Variants in CHCHD6 observed in about 807,000 individuals in gnomAD.
CHCHD6 encodes the protein coiled-coil-helix-coiled-coil-helix domain containing 6, also known as MICOS complex subunit MIC25.
In CHCHD6, 28 loss-of-function variants were observed where a neutral mutation model predicts 32.3. The observed-to-expected ratio is 0.87, with a 90% CI of 0.64 to 1.19. The LOEUF (loss-of-function observed/expected upper bound fraction) is 1.19. CHCHD6 is among the 50% of genes most tolerant of loss of function. The pLI, the probability that CHCHD6 is intolerant of heterozygous loss-of-function variation, is 0.00. For synonymous variants in CHCHD6, 122 were observed against 117.5 expected, an observed-to-expected ratio of 1.04 and a Z score of -0.25; for missense variants, 333 against 307.0, an observed-to-expected ratio of 1.08 and a Z score of -0.63.
intron 6 of CHCHD6, among the ~76,000 whole-genome samples, chr3:126,932,750 A>T (rs1370576442): frequency 6.6e-6 from 1 of 152,234 alleles, no homozygotes; most frequent in Non-Finnish European, 1.5e-5. Context: ...ACATGTGCCC[A>T]GTGACCAGAT....
At chr3:126,828,460 G>A (rs778562217) in intron 4 of CHCHD6, among the ~76,000 whole-genome samples, 4 of 152,232 alleles carry the variant, frequency 2.6e-5, no homozygotes, top group Non-Finnish European at 5.9e-5. Flanking sequence ...AAGGGAGTGT[G>A]TGAGGGAACA....
At chr3:126,881,707 C>T (rs796599161) in intron 5 of CHCHD6, among the ~76,000 whole-genome samples, 7 of 152,242 alleles carry the variant, frequency 4.6e-5, no homozygotes, top group African/African-American at 1.7e-4. Flanking sequence ...GTGGATGGGG[C>T]ACCGCTGTGT....
chr3:126,954,769 A>C (rs2078760582), intron 6 of CHCHD6, among the ~76,000 whole-genome samples: 1 of 152,218 alleles, frequency 6.6e-6, no homozygotes, highest in African/African-American at 2.4e-5. Flanking sequence ...CTGGGGTCTC[A>C]GACTCTAGAG....
intron 4 of CHCHD6, among the ~76,000 whole-genome samples, chr3:126,787,865 G>C (rs1204676567): frequency 6.6e-6 from 1 of 152,140 alleles, no homozygotes; most frequent in Non-Finnish European, 1.5e-5. Context: ...ACACTATGTT[G>C]AATAGGAGTG....
At chr3:126,789,345 G>C (rs1473696545) in intron 4 of CHCHD6, among the ~76,000 whole-genome samples, 1 of 152,088 alleles carries the variant, frequency 6.6e-6, no homozygotes, top group African/African-American at 2.4e-5. Context: ...GGTCCACTTG[G>C]TGCAGAGCTG....
chr3:126,919,288 T>C (rs1576602300), intron 6 of CHCHD6, among the ~76,000 whole-genome samples: 1 of 149,924 alleles, frequency 6.7e-6, no homozygotes, highest in East Asian at 2.0e-4. Flanking sequence ...TTCCTTCTAA[T>C]TTTTTTTCTA....
At chr3:126,829,837 C>T (rs1940561589) in intron 4 of CHCHD6, among the ~76,000 whole-genome samples, 1 of 152,122 alleles carries the variant, frequency 6.6e-6, no homozygotes, top group Non-Finnish European at 1.5e-5. Flanking sequence ...GTGGCTCACA[C>T]CTATAATCCC....
intron 4 of CHCHD6, among the ~76,000 whole-genome samples, chr3:126,739,270 A>G (rs1348265473): frequency 6.6e-6 from 1 of 152,246 alleles, no homozygotes; most frequent in Non-Finnish European, 1.5e-5. Flanking sequence ...AGAGGTTGAC[A>G]AACATTTTCT....
At chr3:126,705,444 A>G (rs1160810553) in intron 1 of CHCHD6, among the ~76,000 whole-genome samples, 1 of 152,250 alleles carries the variant, frequency 6.6e-6, no homozygotes, top group African/African-American at 2.4e-5. Flanking sequence ...AATTTTCAAC[A>G]GCCCTATTTA....
At chr3:126,949,780 G>A in intron 6 of CHCHD6, 1 of 173,618 alleles carries the variant, frequency 5.8e-6, no homozygotes, top group Non-Finnish European at 1.2e-5. Flanking sequence ...GGACATGAAG[G>A]GAAGGCTACA....
chr3:126,957,717 C>A, intron 7 of CHCHD6, 166 bp downstream of exon 7: 1 of 806,662 alleles, frequency 1.2e-6, no homozygotes, highest in Non-Finnish European at 2.0e-6. Flanking sequence ...TCCTCAGTCA[C>A]CTGCACACTC....
intron 1 of CHCHD6, among the ~76,000 whole-genome samples, chr3:126,705,653 G>A (rs75061206): frequency 0.016 from 2,457 of 152,244 alleles, 60 homozygotes; most frequent in African/African-American, 0.053. Flanking sequence ...AATGAACCCA[G>A]TAAAAGGGAC....
At chr3:126,810,874 G>T (rs956347906) in intron 4 of CHCHD6, among the ~76,000 whole-genome samples, 9 of 152,180 alleles carry the variant, frequency 5.9e-5, no homozygotes, top group African/African-American at 2.2e-4. Context: ...TTGTGGGGGT[G>T]GGATGGGGCA....
chr3:126,880,998 A>G lies in CHCHD6; in HGVS notation c.495+28268A>G, dbSNP rs866338690. On this transcript the variant is annotated intron_variant, in intron 5 of 7. Coordinates refer to ENST00000290913, the MANE Select transcript of CHCHD6 (RefSeq NM_032343.3). ...AAATGGACAACAGCAATAATCATAG[A>G]TGTCATAGGAGGAAAGATCTCTGAG... is the stretch of plus-strand genomic sequence containing the variant. Among the ~76,000 whole-genome samples the G allele has an allele frequency of 1.6e-4, 25 of 152,360 alleles. No individual in the cohort carries two copies. In the Middle Eastern group the frequency reaches 0.014, roughly 83 times the overall value.
intron 1 of CHCHD6, among the ~76,000 whole-genome samples, chr3:126,720,578 A>G (rs1471536364): frequency 6.6e-6 from 1 of 152,224 alleles, no homozygotes; most frequent in Non-Finnish European, 1.5e-5. Flanking sequence ...CATGAAGTCA[A>G]CCAGCACATG....
At chr3:126,793,366 C>T (rs1027860982) in intron 4 of CHCHD6, among the ~76,000 whole-genome samples, 2 of 151,986 alleles carry the variant, frequency 1.3e-5, no homozygotes, top group Non-Finnish European at 2.9e-5. Context: ...TAATCAGAAG[C>T]GTTTTGAAAT....
intron 5 of CHCHD6, among the ~76,000 whole-genome samples, chr3:126,896,938 TC>T (rs1159237063): frequency 6.6e-6 from 1 of 152,182 alleles, no homozygotes; most frequent in Non-Finnish European, 1.5e-5. Context: ...CCCTGTCCCA[TC>T]CTTTCAGTTT....
intron 5 of CHCHD6, among the ~76,000 whole-genome samples, chr3:126,873,046 G>C (rs904058609): frequency 6.6e-6 from 1 of 152,200 alleles, no homozygotes; most frequent in Admixed American, 6.5e-5. Flanking sequence ...CTACTTCCTT[G>C]AACACGGCTG....
chr3:126,956,387 A>G (rs1424646168), intron 6 of CHCHD6, among the ~76,000 whole-genome samples: 3 of 152,230 alleles, frequency 2.0e-5, no homozygotes, highest in Non-Finnish European at 4.4e-5. Flanking sequence ...ATCCAAAGCC[A>G]TGTAAATAAA....
Sources: allele counts gnomAD v4.1 joint callset (sites outside exome capture counted in the v4.1 genomes callset), GRCh38; gene constraint gnomAD v4.1.1; transcripts MANE v1.5; gene names NCBI Gene and HGNC (gene_info 2026-07-23, HGNC 2026-07-21).